Variants in VRK2 observed in about 807,000 individuals in gnomAD.
The protein encoded by VRK2 is VRK serine/threonine kinase 2, also known as serine/threonine-protein kinase VRK2.
In VRK2, 60 loss-of-function variants were observed where a neutral mutation model predicts 57.6. The observed-to-expected ratio is 1.04, with a 90% CI of 0.85 to 1.29. The LOEUF (loss-of-function observed/expected upper bound fraction) is 1.29. Ranked by LOEUF, VRK2 falls within the 50% of genes most tolerant of loss-of-function variation. The probability of loss-of-function intolerance (pLI) is 0.00; values close to 1 mark genes in which losing one functional copy is unlikely to be tolerated. For missense variants in VRK2, 705 were observed against 588.1 expected, an observed-to-expected ratio of 1.20 and a Z score of -2.06; for synonymous variants, 231 against 199.2, an observed-to-expected ratio of 1.16 and a Z score of -1.35.
intron 3 of VRK2, among the ~76,000 whole-genome samples, chr2:58,039,002 G>C (rs570617760): frequency 6.6e-6 from 1 of 152,190 alleles, no homozygotes; most frequent in African/African-American, 2.4e-5. Flanking sequence ...AATATTAGAA[G>C]ACATGTACAA....
chr2:58,134,504 G>A (rs929966764), intron 9 of VRK2, among the ~76,000 whole-genome samples: 1 of 151,470 alleles, frequency 6.6e-6, no homozygotes, highest in Non-Finnish European at 1.5e-5. Flanking sequence ...CCAGCTACTC[G>A]GGAGGCTGAG....
At chr2:58,145,190 T>C (rs1681928877) in intron 11 of VRK2, among the ~76,000 whole-genome samples, 2 of 151,988 alleles carry the variant, frequency 1.3e-5, no homozygotes, top group Admixed American at 6.6e-5. Flanking sequence ...GCCCTTCTGT[T>C]TCTGAGTCTA....
At chr2:57,991,962 A>AAG (rs1277871380) in intron 1 of VRK2, among the ~76,000 whole-genome samples, 9 of 151,948 alleles carry the variant, frequency 5.9e-5, no homozygotes, top group Non-Finnish European at 1.0e-4. Flanking sequence ...AACTCAAAAA[A>AAG]AAAAAAAAAA....
At chr2:57,923,633 T>C (rs2678909) in intron 1 of VRK2, among the ~76,000 whole-genome samples, 108,134 of 151,788 alleles carry the variant, frequency 0.71, 39,942 homozygotes, top group African/African-American at 0.93. Context: ...ATTATTAATC[T>C]CTTGTCAGAT....
intron 1 of VRK2, among the ~76,000 whole-genome samples, chr2:57,984,442 A>G (rs1323545450): frequency 1.3e-5 from 2 of 152,172 alleles, no homozygotes; most frequent in African/African-American, 2.4e-5. Flanking sequence ...AAATATGTCA[A>G]TACAATTTAT....
intron 1 of VRK2, among the ~76,000 whole-genome samples, chr2:58,015,908 T>C (rs1367021243): frequency 6.6e-6 from 1 of 152,190 alleles, no homozygotes; most frequent in Non-Finnish European, 1.5e-5. Context: ...ACAGATCAAT[T>C]CTGAGGCAAA....
intron 7 of VRK2, among the ~76,000 whole-genome samples, chr2:58,115,976 G>A (rs986038179): frequency 4.5e-4 from 68 of 152,312 alleles, no homozygotes; most frequent in African/African-American, 1.6e-3. Flanking sequence ...TTGGCACCAC[G>A]GGGTGGATAG....
At chr2:57,999,847 T>A (rs1673037172) in intron 1 of VRK2, among the ~76,000 whole-genome samples, 2 of 152,164 alleles carry the variant, frequency 1.3e-5, no homozygotes, top group Admixed American at 1.3e-4. Flanking sequence ...AATACTTGTG[T>A]ATTAAAAACT....
At chr2:57,923,152 T>C (rs1280446018) in intron 1 of VRK2, among the ~76,000 whole-genome samples, 1 of 152,058 alleles carries the variant, frequency 6.6e-6, no homozygotes, top group Non-Finnish European at 1.5e-5. Context: ...TTCCAAATAT[T>C]GACTAGAGTG....
At chr2:58,132,977 T>C (rs1679434222) in intron 9 of VRK2, among the ~76,000 whole-genome samples, 1 of 152,174 alleles carries the variant, frequency 6.6e-6, no homozygotes, top group Admixed American at 6.5e-5. Flanking sequence ...CATGTAACAT[T>C]TCGAAATATG....
intron 3 of VRK2, among the ~76,000 whole-genome samples, chr2:58,033,893 G>T (rs1330708740): frequency 1.3e-5 from 2 of 151,918 alleles, no homozygotes; most frequent in South Asian, 4.1e-4. Context: ...AATGGGCATG[G>T]TTTCTGTTAA....
intron 2 of VRK2, among the ~76,000 whole-genome samples, chr2:58,057,224 T>C (rs1676658087): frequency 6.6e-6 from 1 of 152,108 alleles, no homozygotes; most frequent in African/African-American, 2.4e-5. Flanking sequence ...TCCCAATAAA[T>C]AGGTTGTATG....
intron 7 of VRK2, among the ~76,000 whole-genome samples, chr2:58,105,591 A>G (rs570328847): frequency 4.6e-5 from 7 of 151,942 alleles, no homozygotes; most frequent in African/African-American, 1.7e-4. Flanking sequence ...AGAGCAATTT[A>G]TGACCAAAAT....
intron 1 of VRK2, among the ~76,000 whole-genome samples, chr2:57,991,575 C>A (rs1022727983): frequency 6.6e-6 from 1 of 152,064 alleles, no homozygotes; most frequent in Admixed American, 6.5e-5. Context: ...ATATAACATT[C>A]ATGTGTTAGT....
At chr2:57,960,003 A>C (rs573506432) in intron 1 of VRK2, among the ~76,000 whole-genome samples, 53 of 124,372 alleles carry the variant, frequency 4.3e-4, no homozygotes, top group African/African-American at 1.5e-3. Context: ...ATGTGTGTGC[A>C]TGGGTGTGTG....
chr2:57,948,219 G>A (rs1671319996), intron 1 of VRK2, among the ~76,000 whole-genome samples: 1 of 152,158 alleles, frequency 6.6e-6, no homozygotes, highest in Admixed American at 6.5e-5. Context: ...GAAATATTAT[G>A]TAAGTAAAGA....
intron 2 of VRK2, among the ~76,000 whole-genome samples, chr2:58,077,349 C>T (rs1385026762): frequency 6.6e-6 from 1 of 151,982 alleles, no homozygotes; most frequent in Non-Finnish European, 1.5e-5. Flanking sequence ...TGAATTGATC[C>T]TAGGCCTTTG....
At chr2:58,099,068 A>G (rs1449424138) in intron 7 of VRK2, among the ~76,000 whole-genome samples, 1 of 151,990 alleles carries the variant, frequency 6.6e-6, no homozygotes, top group African/African-American at 2.4e-5. Flanking sequence ...TATTTGGAAA[A>G]CAAATGTATC....
At chr2:58,155,586 T>A (rs531291704) in intron 12 of VRK2, among the ~76,000 whole-genome samples, 18 of 152,092 alleles carry the variant, frequency 1.2e-4, no homozygotes, top group Non-Finnish European at 2.4e-4. Flanking sequence ...CCCAGTGGGA[T>A]AGGGTATCAC....
Sources: gnomAD v4.1 joint callset for allele counts (sites outside exome capture counted in the v4.1 genomes callset) on GRCh38, gnomAD v4.1.1 for gene constraint, MANE v1.5 for transcripts, NCBI Gene and HGNC (gene_info 2026-07-23, HGNC 2026-07-21) for gene names.